The following CTNND2 variants were observed in gnomAD, a reference collection of about 807,000 sequenced individuals.
The protein encoded by CTNND2 is catenin delta-2.
Under a neutral mutation model 144.4 loss-of-function variants are expected in CTNND2, and 22 were observed. That is an observed-to-expected ratio of 0.15 (90% CI 0.11 to 0.22). CTNND2 has a LOEUF of 0.22. CTNND2 is among the 10% of genes least tolerant of loss of function. The probability of loss-of-function intolerance (pLI) is 1.00; values close to 1 mark genes in which losing one functional copy is unlikely to be tolerated. For missense variants in CTNND2, 1,353 were observed against 1,618.8 expected, an observed-to-expected ratio of 0.84 and a Z score of 2.82; for synonymous variants, 751 against 695.6, an observed-to-expected ratio of 1.08 and a Z score of -1.25.
At chr5:11,414,056 A>G (rs572286975) in intron 3 of CTNND2, among the ~76,000 whole-genome samples, 114 of 152,288 alleles carry the variant, frequency 7.5e-4, no homozygotes, top group Non-Finnish European at 1.6e-4. Flanking sequence ...CCCTAAATCC[A>G]ATTACACATG....
chr5:11,172,278 C>T (rs7702295), intron 11 of CTNND2, among the ~76,000 whole-genome samples: 55,859 of 151,856 alleles, frequency 0.37, 11,164 homozygotes, highest in East Asian at 0.55. Context: ...ACTGACTTCA[C>T]CAACATCAGC....
chr5:11,648,908 C>T (rs1782499289), intron 2 of CTNND2, among the ~76,000 whole-genome samples: 2 of 152,184 alleles, frequency 1.3e-5, no homozygotes, highest in South Asian at 4.1e-4. Context: ...TTATTTTCAG[C>T]TCCATTTACT....
chr5:11,669,478 G>C (rs1006783284), intron 2 of CTNND2, among the ~76,000 whole-genome samples: 2 of 151,998 alleles, frequency 1.3e-5, no homozygotes, highest in African/African-American at 4.8e-5. Context: ...TTTTCTTCCT[G>C]GTTTAGTCTT....
At chr5:11,360,292 C>G (rs1756314462) in intron 8 of CTNND2, among the ~76,000 whole-genome samples, 1 of 152,062 alleles carries the variant, frequency 6.6e-6, no homozygotes, top group African/African-American at 2.4e-5. Flanking sequence ...GTTAAGAGAT[C>G]TAACATATCT....
At chr5:11,643,391 C>G (rs987907159) in intron 2 of CTNND2, among the ~76,000 whole-genome samples, 3 of 114,162 alleles carry the variant, frequency 2.6e-5, no homozygotes, top group South Asian at 3.9e-4. Flanking sequence ...CCCCCTCCCC[C>G]CACCCCACAA....
chr5:11,361,643 A>G (rs1294841392), intron 8 of CTNND2, among the ~76,000 whole-genome samples: 1 of 152,214 alleles, frequency 6.6e-6, no homozygotes, highest in Non-Finnish European at 1.5e-5. Flanking sequence ...GGAAGAAGTT[A>G]CAAGCTAGAT....
chr5:11,770,220 T>C (rs1363460390), intron 1 of CTNND2, among the ~76,000 whole-genome samples: 3 of 152,152 alleles, frequency 2.0e-5, no homozygotes, highest in Non-Finnish European at 4.4e-5. Context: ...AATGGAAACC[T>C]GGTCTCTGTA....
intron 1 of CTNND2, among the ~76,000 whole-genome samples, chr5:11,797,350 C>T (rs879691763): frequency 6.6e-6 from 1 of 152,110 alleles, no homozygotes; most frequent in Non-Finnish European, 1.5e-5. Flanking sequence ...TATTCCTGGC[C>T]CCCAGCCAGG....
At chr5:11,796,776 A>G (rs919125258) in intron 1 of CTNND2, among the ~76,000 whole-genome samples, 1 of 152,100 alleles carries the variant, frequency 6.6e-6, no homozygotes, top group African/African-American at 2.4e-5. Flanking sequence ...CTCAATTTAC[A>G]CCATCCATTT....
chr5:11,449,811 C>T (rs540325239), intron 3 of CTNND2, among the ~76,000 whole-genome samples: 6 of 152,256 alleles, frequency 3.9e-5, no homozygotes, highest in East Asian at 1.9e-4. Context: ...GTTTCTATCT[C>T]GTTGACTGCT....
rs1181741368 is a variant in CTNND2, at chr5:10,972,426, C to T, written c.*1027G>A. On this transcript the variant is annotated 3_prime_UTR_variant, in exon 22 of 22. Coordinates refer to ENST00000304623, the MANE Select transcript of CTNND2 (RefSeq NM_001332.4). Reference sequence around the variant, plus strand: ...ATAAAATCTCACACAGGTAATTTTTCTAGTACGTGGACATACATACACCCA... The same window carrying T: ...ATAAAATCTCACACAGGTAATTTTTTTAGTACGTGGACATACATACACCCA... The T allele has an allele frequency of 6.6e-6, 1 of 152,190 alleles. No individual in the cohort carries two copies. Among genetic ancestry groups the T allele is most frequent in the Non-Finnish European group, 1.5e-5 (1 of 68,030 alleles). The allele number at this position is 152,190 out of a possible 1,614,324, so 9.4% of individuals were successfully genotyped here.
At chr5:11,799,158 T>C (rs951189310) in intron 1 of CTNND2, among the ~76,000 whole-genome samples, 3 of 152,198 alleles carry the variant, frequency 2.0e-5, no homozygotes, top group African/African-American at 7.2e-5. Context: ...ATTTAGGTCT[T>C]AAATCATCCA....
intron 9 of CTNND2, among the ~76,000 whole-genome samples, chr5:11,250,911 T>C (rs1333457412): frequency 7.2e-5 from 11 of 152,138 alleles, no homozygotes; most frequent in African/African-American, 2.4e-4. Context: ...CAGAGACACA[T>C]AGTTTTGTTC....
intron 16 of CTNND2, among the ~76,000 whole-genome samples, chr5:11,081,953 T>C (rs528316498): frequency 5.9e-5 from 9 of 152,344 alleles, no homozygotes; most frequent in African/African-American, 2.2e-4. Flanking sequence ...ACTAAAATGG[T>C]AGACTTTAAA....
chr5:11,426,601 T>G lies in CTNND2; in HGVS notation c.288-14532A>C, dbSNP rs184822131. On this transcript the variant is annotated intron_variant, in intron 3 of 21. Coordinates refer to ENST00000304623, the MANE Select transcript of CTNND2 (RefSeq NM_001332.4). ...AATGCCCTGATGGACTCATGATGTG[T>G]TGTGGGAGTTGAGTGAGACTCAAGT... 3.3e-4 allele frequency among the ~76,000 whole-genome samples: 51 copies of G among 152,298 alleles called. No homozygotes were observed. The East Asian group carries it at 4.4e-3, about 13-fold the overall frequency.
At chr5:11,597,881 A>G (rs1462041611) in intron 2 of CTNND2, among the ~76,000 whole-genome samples, 2 of 152,222 alleles carry the variant, frequency 1.3e-5, no homozygotes, top group African/African-American at 4.8e-5. Context: ...CTTTGAAAAT[A>G]TAATAATAAC....
intron 9 of CTNND2, among the ~76,000 whole-genome samples, chr5:11,246,771 T>C (rs1743049920): frequency 6.6e-6 from 1 of 151,888 alleles, no homozygotes; most frequent in Non-Finnish European, 1.5e-5. Flanking sequence ...CAGGGGAGAC[T>C]GCTCCGAGAA....
At chr5:11,511,330 G>C (rs1222346382) in intron 3 of CTNND2, among the ~76,000 whole-genome samples, 1 of 152,158 alleles carries the variant, frequency 6.6e-6, no homozygotes, top group Non-Finnish European at 1.5e-5. Flanking sequence ...GATGTGTCCA[G>C]AAATTAGAGT....
At position 11,102,970 on chromosome 5, in the gene CTNND2, A is replaced by ATTTTTTTTT. The variant is rs778134907; in HGVS notation, c.2464-4231_2464-4223dup. ...GCAGGGCTTAAATTCTATTTAAAAG[A>ATTTTTTTTT]TTTTTTTTTTTTTTTTTTTTTTTTT... is the stretch of plus-strand genomic sequence containing the variant. On this transcript the variant is annotated intron_variant, in intron 14 of 21. Coordinates refer to ENST00000304623, the MANE Select transcript of CTNND2 (RefSeq NM_001332.4). 1.2e-3 allele frequency among the ~76,000 whole-genome samples: 104 copies of ATTTTTTTTT among 84,094 alleles called. 6 individuals are homozygous for ATTTTTTTTT. The highest frequency in any genetic ancestry group is 7.8e-3 in the Middle Eastern group (1 of 128). 55.2% of individuals were successfully genotyped at this position (84,094 alleles called of 152,430 possible).
Sources: gnomAD v4.1 joint callset for allele counts (sites outside exome capture counted in the v4.1 genomes callset) on GRCh38, gnomAD v4.1.1 for gene constraint, MANE v1.5 for transcripts, NCBI Gene and HGNC (gene_info 2026-07-23, HGNC 2026-07-21) for gene names.